Variants in CTNNA3 observed in about 807,000 individuals in gnomAD.
The protein encoded by CTNNA3 is catenin alpha 3.
A neutral mutation model predicts 95.7 loss-of-function variants in CTNNA3; 76 were observed. The observed-to-expected ratio is 0.79, with a 90% CI of 0.66 to 0.96. The LOEUF (loss-of-function observed/expected upper bound fraction) is 0.96. Ranked by LOEUF, CTNNA3 falls within the 40% of genes least tolerant of loss-of-function variation. The probability of loss-of-function intolerance (pLI) is 0.00; values close to 1 mark genes in which losing one functional copy is unlikely to be tolerated. For missense variants in CTNNA3, 1,191 were observed against 1,089.8 expected, an observed-to-expected ratio of 1.09 and a Z score of -1.31; for synonymous variants, 431 against 374.4, an observed-to-expected ratio of 1.15 and a Z score of -1.74.
intron 15 of CTNNA3, among the ~76,000 whole-genome samples, chr10:66,008,943 T>C (rs527619040): frequency 1.3e-5 from 2 of 152,054 alleles, no homozygotes; most frequent in African/African-American, 4.8e-5. Flanking sequence ...CCACTAAAAA[T>C]ACAAAAATTA....
chr10:66,404,263 A>C (rs537922940), intron 11 of CTNNA3, among the ~76,000 whole-genome samples: 1 of 152,256 alleles, frequency 6.6e-6, no homozygotes, highest in African/African-American at 2.4e-5. Context: ...CAAATTGTCC[A>C]TTAAAACCCC....
intron 16 of CTNNA3, among the ~76,000 whole-genome samples, chr10:65,985,805 G>C (rs570698259): frequency 6.6e-6 from 1 of 151,394 alleles, no homozygotes; most frequent in Non-Finnish European, 1.5e-5. Context: ...GAAATATAGA[G>C]TATCCAAATT....
chr10:66,229,847 T>A (rs1396167466), intron 13 of CTNNA3, among the ~76,000 whole-genome samples: 2 of 152,166 alleles, frequency 1.3e-5, no homozygotes, highest in African/African-American at 2.4e-5. Flanking sequence ...GTAACTTCTA[T>A]AATGTAACTA....
At chr10:67,273,847 T>C (rs1351259418) in intron 5 of CTNNA3, among the ~76,000 whole-genome samples, 1 of 152,146 alleles carries the variant, frequency 6.6e-6, no homozygotes, top group Non-Finnish European at 1.5e-5. Flanking sequence ...TAATGTAAAG[T>C]AATGAGAACA....
At chr10:66,541,336 A>C (rs1841843960) in intron 10 of CTNNA3, among the ~76,000 whole-genome samples, 2 of 152,268 alleles carry the variant, frequency 1.3e-5, no homozygotes, top group African/African-American at 4.8e-5. Context: ...TGGTGTTTTC[A>C]TTCTGCACTT....
At chr10:66,957,350 C>T (rs1848844184) in intron 7 of CTNNA3, among the ~76,000 whole-genome samples, 1 of 147,152 alleles carries the variant, frequency 6.8e-6, no homozygotes. Flanking sequence ...GTAAAAAATA[C>T]TTTAGAAGAA....
intron 13 of CTNNA3, among the ~76,000 whole-genome samples, chr10:66,110,098 T>C (rs1462101646): frequency 1.3e-5 from 2 of 152,062 alleles, no homozygotes; most frequent in Non-Finnish European, 2.9e-5. Context: ...CAGTGGCTCA[T>C]GCCTGTAATC....
intron 2 of CTNNA3, among the ~76,000 whole-genome samples, chr10:67,644,848 TA>T (rs1234366909): frequency 2.0e-5 from 3 of 152,146 alleles, no homozygotes; most frequent in Non-Finnish European, 2.9e-5. Context: ...TATACCAAAG[TA>T]CTTTTAAGAA....
At chr10:67,024,484 A>C (rs1057180042) in intron 7 of CTNNA3, among the ~76,000 whole-genome samples, 3 of 152,196 alleles carry the variant, frequency 2.0e-5, no homozygotes, top group African/African-American at 7.2e-5. Context: ...TCTGGTGATT[A>C]GGAAGTAAAC....
chr10:66,525,341 C>G (rs1366912012), intron 10 of CTNNA3, among the ~76,000 whole-genome samples: 7 of 152,042 alleles, frequency 4.6e-5, no homozygotes, highest in Non-Finnish European at 7.4e-5. Flanking sequence ...CACCACTGTT[C>G]CAAACACTTT....
intron 6 of CTNNA3, among the ~76,000 whole-genome samples, chr10:67,186,174 T>A (rs927580830): frequency 6.6e-6 from 1 of 152,194 alleles, no homozygotes; most frequent in Non-Finnish European, 1.5e-5. Flanking sequence ...AAACAGTGAA[T>A]ATGTCTCCAG....
intron 7 of CTNNA3, among the ~76,000 whole-genome samples, chr10:67,035,095 C>T (rs1212928868): frequency 2.0e-5 from 3 of 152,196 alleles, no homozygotes; most frequent in Non-Finnish European, 4.4e-5. Flanking sequence ...ATCTAATATT[C>T]ACCTGTATTG....
chr10:66,818,321 G>C, intron 7 of CTNNA3, among the ~76,000 whole-genome samples: 1 of 144,098 alleles, frequency 6.9e-6, no homozygotes, highest in Non-Finnish European at 1.5e-5. Flanking sequence ...GTAGTCTTTG[G>C]AAAATAACTG....
At chr10:66,288,194 CA>C (rs1659675098) in intron 12 of CTNNA3, among the ~76,000 whole-genome samples, 1 of 151,990 alleles carries the variant, frequency 6.6e-6, no homozygotes, top group Non-Finnish European at 1.5e-5. Context: ...TGCCTATCTT[CA>C]CACACATTTT....
At chr10:66,758,835 T>A (rs1223097265) in intron 9 of CTNNA3, among the ~76,000 whole-genome samples, 1 of 152,104 alleles carries the variant, frequency 6.6e-6, no homozygotes, top group Admixed American at 6.6e-5. Flanking sequence ...CTTGGGAGAC[T>A]GAGGCAGGAG....
At chr10:67,066,149 T>A (rs932281872) in intron 7 of CTNNA3, among the ~76,000 whole-genome samples, 2 of 151,646 alleles carry the variant, frequency 1.3e-5, no homozygotes, top group African/African-American at 2.4e-5. Flanking sequence ...CCATCACCAG[T>A]GCTCGTTTCC....
At chr10:67,198,611 C>G (rs900879789) in intron 6 of CTNNA3, among the ~76,000 whole-genome samples, 1 of 152,176 alleles carries the variant, frequency 6.6e-6, no homozygotes, top group Admixed American at 6.5e-5. Flanking sequence ...TCATTCTGCT[C>G]TGTTTTATAT....
At chr10:67,111,771 C>T (rs1177068336) in intron 7 of CTNNA3, among the ~76,000 whole-genome samples, 1 of 151,944 alleles carries the variant, frequency 6.6e-6, no homozygotes, top group Non-Finnish European at 1.5e-5. Flanking sequence ...CGCCAGTCTC[C>T]CCAGGATACC....
intron 1 of CTNNA3, among the ~76,000 whole-genome samples, chr10:67,724,369 G>C (rs1340554285): frequency 6.6e-6 from 1 of 152,092 alleles, no homozygotes; most frequent in African/African-American, 2.4e-5. Context: ...GATTAGATGG[G>C]GTACAGGTAG....
Sources: allele counts gnomAD v4.1 joint callset (sites outside exome capture counted in the v4.1 genomes callset), GRCh38; gene constraint gnomAD v4.1.1; transcripts MANE v1.5; gene names NCBI Gene and HGNC (gene_info 2026-07-23, HGNC 2026-07-21).